The following SATL1 variants were observed in gnomAD, a reference collection of about 807,000 sequenced individuals.
The protein encoded by SATL1 is spermidine/spermine N(1)-acetyltransferase-like protein 1.
In SATL1, 47 loss-of-function variants were observed where a neutral mutation model predicts 51.8. The ratio of observed to expected loss-of-function variants is 0.91; its 90% CI spans 0.72 to 1.16. SATL1 has a LOEUF of 1.16. SATL1 is among the 50% of genes most tolerant of loss of function. The pLI is 0.00. For synonymous variants in SATL1, 176 were observed against 182.4 expected (o/e 0.97, Z 0.28); for missense variants, 520 against 526.4 (o/e 0.99, Z 0.12).
intron 2 of SATL1, among the ~76,000 whole-genome samples, chrX:85,169,604 T>C (rs1273359924): frequency 9.0e-6 from 1 of 111,645 alleles, no homozygotes; most frequent in African/African-American, 3.3e-5. Flanking sequence ...ATGTCTATTA[T>C]TAAAAAGTCA....
intron 3 of SATL1, among the ~76,000 whole-genome samples, chrX:85,104,172 T>C (rs1333510066): frequency 9.0e-6 from 1 of 111,521 alleles, no homozygotes. Flanking sequence ...TCCAGATTAG[T>C]AACCTTGAAT....
At chrX:85,185,638 T>C (rs193033629) in intron 2 of SATL1, among the ~76,000 whole-genome samples, 160 of 111,767 alleles carry the variant, frequency 1.4e-3, no homozygotes, top group South Asian at 0.012. Flanking sequence ...ACTGCCTGGC[T>C]ACCACTGATG....
At chrX:85,102,740 A>G (rs1180272355) in intron 4 of SATL1, among the ~76,000 whole-genome samples, 1 of 111,791 alleles carries the variant, frequency 8.9e-6, no homozygotes, top group Non-Finnish European at 1.9e-5. Flanking sequence ...AACATAGTAC[A>G]GATTGAGTAT....
intron 2 of SATL1, among the ~76,000 whole-genome samples, chrX:85,191,297 T>C (rs1432705732): frequency 8.9e-6 from 1 of 111,892 alleles, no homozygotes; most frequent in East Asian, 2.8e-4. Flanking sequence ...TACATTTTGA[T>C]ATTTTGATAC....
chrX:85,110,362 G>C (rs1925232277), intron 2 of SATL1, among the ~76,000 whole-genome samples: 1 of 111,581 alleles, frequency 9.0e-6, no homozygotes, highest in Non-Finnish European at 1.9e-5. Context: ...TTAACTGCTG[G>C]CTTACTTCCT....
intron 2 of SATL1, among the ~76,000 whole-genome samples, chrX:85,113,253 G>T (rs12008519): frequency 9.1e-6 from 1 of 109,873 alleles, no homozygotes; most frequent in African/African-American, 3.3e-5. Context: ...GCGTGATGGC[G>T]TGAAGGCAAG....
intron 2 of SATL1, among the ~76,000 whole-genome samples, chrX:85,131,093 T>C (rs1925783569): frequency 8.9e-6 from 1 of 111,758 alleles, no homozygotes; most frequent in African/African-American, 3.3e-5. Flanking sequence ...GGAATAAGTG[T>C]GATGTGGTGC....
intron 1 of SATL1, among the ~76,000 whole-genome samples, chrX:85,233,328 A>T (rs1928420372): frequency 8.9e-6 from 1 of 111,958 alleles, no homozygotes. Context: ...GGCTCCAAAC[A>T]AGCCCAGACT....
rs200970436 is a variant in SATL1, at chrX:85,170,286, TA to T, written c.-313+53918del. ...TACCTGTGAACTTAAAATAAAAGTTTAAACTATAAGAAAAGTAACAAAAATA... is the reference window on the plus strand; with the variant it reads ...TACCTGTGAACTTAAAATAAAAGTTTAACTATAAGAAAAGTAACAAAAATA... On this transcript the variant is annotated intron_variant, in intron 2 of 7. Coordinates refer to ENST00000644105, the MANE Select transcript of SATL1 (RefSeq NM_001367857.2). Among the ~76,000 whole-genome samples the T allele has an allele frequency of 9.3e-3, 1,035 of 111,568 alleles. 17 individuals carry two copies. The highest frequency in any genetic ancestry group is 0.032 in the African/African-American group (978 of 30,851).
At chrX:85,184,801 A>G (rs1302477746) in intron 2 of SATL1, among the ~76,000 whole-genome samples, 2 of 111,951 alleles carry the variant, frequency 1.8e-5, no homozygotes, top group Non-Finnish European at 3.8e-5. Context: ...AAGGTGACGT[A>G]TTTCTAACTT....
chrX:85,094,121 G>A lies in SATL1; in HGVS notation c.1876+7C>T. 1 of 1,057,816 alleles carries A rather than the reference G, an allele frequency of 9.5e-7. No individual in the cohort carries two copies. The highest frequency in any genetic ancestry group is 1.3e-6 in the Non-Finnish European group (1 of 760,968). The allele number at this position is 1,057,816 out of a possible 1,213,427, so 87.2% of individuals were successfully genotyped here. A position where few individuals can be genotyped will look rare whatever the true frequency, so the allele number is the denominator to read the frequency against. On this transcript the variant is annotated splice_region_variant and intron_variant, in intron 6 of 7. Coordinates refer to ENST00000644105, the MANE Select transcript of SATL1 (RefSeq NM_001367857.2). ...TTTAAAAGTAATATCATAAATTTTA[G>A]TTTTACCTTGGTAAGCTTGTGTGAC...
intron 1 of SATL1, among the ~76,000 whole-genome samples, chrX:85,232,735 T>C (rs754427685): frequency 9.0e-6 from 1 of 111,450 alleles, no homozygotes; most frequent in South Asian, 3.8e-4. Context: ...AAAGTGTATA[T>C]GACTTTGACT....
chrX:85,148,973 T>G (rs1478682084), intron 2 of SATL1, among the ~76,000 whole-genome samples: 3 of 110,488 alleles, frequency 2.7e-5, no homozygotes, highest in Non-Finnish European at 5.7e-5. Flanking sequence ...CAATATTAAC[T>G]TTAAATGTAA....
chrX:85,188,455 C>T (rs764849084), intron 2 of SATL1, among the ~76,000 whole-genome samples: 1 of 111,324 alleles, frequency 9.0e-6, no homozygotes, highest in Admixed American at 9.6e-5. Flanking sequence ...TATCAATTAG[C>T]TACAACCGTT....
chrX:85,112,860 C>G (rs897540182), intron 2 of SATL1, among the ~76,000 whole-genome samples: 3 of 111,327 alleles, frequency 2.7e-5, no homozygotes, highest in Non-Finnish European at 5.7e-5. Context: ...ACCTGATGGT[C>G]GCCTGACATT....
chrX:85,132,088 C>G (rs2147707543), intron 2 of SATL1, among the ~76,000 whole-genome samples: 1 of 110,754 alleles, frequency 9.0e-6, no homozygotes, highest in East Asian at 2.9e-4. Context: ...GACATTTTTT[C>G]CTTCATTTCA....
At chrX:85,216,831 A>G (rs1928055016) in intron 2 of SATL1, among the ~76,000 whole-genome samples, 1 of 112,165 alleles carries the variant, frequency 8.9e-6, no homozygotes, top group Non-Finnish European at 1.9e-5. Flanking sequence ...TGAGGGCGTC[A>G]TTCAATGTGT....
intron 2 of SATL1, among the ~76,000 whole-genome samples, chrX:85,190,018 C>T (rs182585175): frequency 3.6e-5 from 4 of 111,735 alleles, no homozygotes; most frequent in African/African-American, 1.3e-4. Context: ...TCAGTCTGTA[C>T]AGTTATTGCA....
chrX:85,148,881 T>C (rs1926336535), intron 2 of SATL1, among the ~76,000 whole-genome samples: 1 of 110,993 alleles, frequency 9.0e-6, no homozygotes, highest in Admixed American at 9.6e-5. Flanking sequence ...GTAAAGGCCA[T>C]CGAGACTAGG....
Sources: gnomAD v4.1 joint callset for allele counts (sites outside exome capture counted in the v4.1 genomes callset) on GRCh38, gnomAD v4.1.1 for gene constraint, MANE v1.5 for transcripts, NCBI Gene and HGNC (gene_info 2026-07-23, HGNC 2026-07-21) for gene names.